The following CELF2 variants were observed in gnomAD, a reference collection of about 807,000 sequenced individuals.
CELF2 encodes CUG triplet repeat RNA-binding protein 2.
In CELF2, 8 loss-of-function variants were observed where a neutral mutation model predicts 62.6. The observed-to-expected ratio is 0.13, with a 90% CI of 0.07 to 0.23. CELF2 has a LOEUF of 0.23. CELF2 is among the 10% of genes least tolerant of loss of function. The pLI is 1.00. For synonymous variants in CELF2, 258 were observed against 250.0 expected (o/e 1.03, Z -0.30); for missense variants, 333 against 671.0 (o/e 0.50, Z 5.56).
At chr10:10,568,423 T>G in the CELF2 span, among the ~76,000 whole-genome samples, 1 of 152,202 alleles carries the variant, frequency 6.6e-6, no homozygotes, top group South Asian at 2.1e-4. Context: ...GCATAACCTC[T>G]TGGTTGCTTA....
intron 1 of CELF2, among the ~76,000 whole-genome samples, chr10:11,059,094 G>A (rs982166522): frequency 6.6e-6 from 1 of 152,206 alleles, no homozygotes; most frequent in African/African-American, 2.4e-5. Context: ...TCTATTTTAT[G>A]TATGAGTCAA....
the CELF2 span, chr10:10,789,033 G>C: frequency 6.6e-6 from 1 of 152,104 alleles, no homozygotes; most frequent in African/African-American, 2.4e-5. Flanking sequence ...ATTAGAGTAA[G>C]AGGAAAGAAA....
rs1427746200 is a variant in CELF2, at chr10:10,936,701, T to C, written c.89+16702T>C. 6.6e-6 allele frequency: 1 copy of C among 152,252 alleles called. No homozygotes were observed. Among genetic ancestry groups the C allele is most frequent in the Non-Finnish European group, 1.5e-5 (1 of 68,058 alleles). The allele number at this position is 152,252 out of a possible 1,614,324, so 9.4% of individuals were successfully genotyped here. On this transcript the variant is annotated intron_variant, in intron 2 of 13. Transcript: ENST00000636488. The surrounding 1 kb of genome is among the most constrained non-coding windows in gnomAD (Gnocchi z 4.0). ...TCTTCATTTCTAGCGTTTTCCACCA[T>C]AACCTTGTTCTGGTGCTGAAACAAG...
chr10:10,719,122 C>A, the CELF2 span, among the ~76,000 whole-genome samples: 1 of 151,508 alleles, frequency 6.6e-6, no homozygotes, highest in Non-Finnish European at 1.5e-5. Context: ...CCAAGCCCAG[C>A]TAATTTTTTG....
the CELF2 span, among the ~76,000 whole-genome samples, chr10:10,517,574 C>T: frequency 5.3e-5 from 8 of 152,264 alleles, no homozygotes; most frequent in Admixed American, 3.9e-4. Context: ...CATCTGAAGC[C>T]TGGATCCCTT....
At chr10:10,535,697 C>A in the CELF2 span, among the ~76,000 whole-genome samples, 1 of 152,030 alleles carries the variant, frequency 6.6e-6, no homozygotes, top group African/African-American at 2.4e-5. Flanking sequence ...CCAGCCTGGG[C>A]GACAGAGTGA....
intron 3 of CELF2, among the ~76,000 whole-genome samples, chr10:11,229,983 G>A (rs1200705003): frequency 6.6e-6 from 1 of 152,192 alleles, no homozygotes; most frequent in African/African-American, 2.4e-5. Flanking sequence ...CCAAGGGCTA[G>A]GTGGTGGTGA....
At chr10:10,725,290 A>G in the CELF2 span, among the ~76,000 whole-genome samples, 4 of 152,184 alleles carry the variant, frequency 2.6e-5, no homozygotes, top group African/African-American at 4.8e-5. Flanking sequence ...TCTTTCTGTC[A>G]AAGGAGGAGA....
the CELF2 span, among the ~76,000 whole-genome samples, chr10:10,623,085 C>CAAAAAAAAAAAAAAAA: frequency 5.2e-5 from 3 of 57,226 alleles, no homozygotes; most frequent in East Asian, 1.0e-3. Context: ...GACTCCGTCT[C>CAAAAAAAAAAAAAAAA]AAAAAAAAAA....
At chr10:10,737,359 A>G in the CELF2 span, among the ~76,000 whole-genome samples, 18 of 152,168 alleles carry the variant, frequency 1.2e-4, no homozygotes, top group African/African-American at 4.3e-4. Context: ...AAGTCATACC[A>G]AAAGATATAT....
In CELF2 at chr10:11,302,497, C is replaced by G. The variant is rs1459162100; in HGVS notation, c.977-11642C>G. Among the ~76,000 whole-genome samples the G allele has an allele frequency of 2.6e-5, 4 of 152,120 alleles. No individual in the cohort carries two copies. Among genetic ancestry groups the G allele is most frequent in the Non-Finnish European group, 4.4e-5 (3 of 68,026 alleles). ...AAATGTGTCTGTGGCTGCAGTGCCCCCAAAGGACAGGATTGGGCCCGCCTC... is the reference window on the plus strand; with the variant it reads ...AAATGTGTCTGTGGCTGCAGTGCCCGCAAAGGACAGGATTGGGCCCGCCTC... On this transcript the variant is annotated intron_variant, in intron 9 of 12. Transcript: ENST00000633077. The surrounding 1 kb of genome is among the most constrained non-coding windows in gnomAD (Gnocchi z 5.0).
At chr10:11,051,871 G>A (rs1406950578) in intron 1 of CELF2, among the ~76,000 whole-genome samples, 1 of 138,820 alleles carries the variant, frequency 7.2e-6, no homozygotes, top group Non-Finnish European at 1.6e-5. Context: ...GCAGGTTTTT[G>A]TTTTTTTGTG....
Position 11,275,125 on chromosome 10 carries a change from GT to G in CELF2, c.841+6del. 6.2e-7 allele frequency: 1 copy of G among 1,614,178 alleles called. No homozygotes were observed. Among genetic ancestry groups the G allele is most frequent in the South Asian group, 1.1e-5 (1 of 91,090 alleles). On this transcript the variant is annotated splice_donor_region_variant and intron_variant, in intron 8 of 12. Transcript: ENST00000633077. Reference sequence around the variant, plus strand: ...GCGGCATTCAACAAATGGCAGGTAAGTCAGGAAGCACGCCTCTCCTTTTGAC... The same window carrying G: ...GCGGCATTCAACAAATGGCAGGTAAGCAGGAAGCACGCCTCTCCTTTTGAC...
intron 2 of CELF2, among the ~76,000 whole-genome samples, chr10:10,976,729 C>G (rs1032878121): frequency 4.6e-5 from 7 of 152,122 alleles, no homozygotes; most frequent in South Asian, 2.1e-4. Flanking sequence ...GCAATTCAAA[C>G]CACAGATCTG....
At chr10:11,188,455 T>C (rs2075544172) in intron 2 of CELF2, among the ~76,000 whole-genome samples, 2 of 152,216 alleles carry the variant, frequency 1.3e-5, no homozygotes, top group African/African-American at 4.8e-5. Context: ...GGATTTTCCT[T>C]TTCTTTCAGT....
In CELF2 at chr10:11,305,594, G is replaced by A. The variant is rs564610748; in HGVS notation, c.977-8545G>A. On this transcript the variant is annotated intron_variant, in intron 9 of 12. Transcript: ENST00000633077. The surrounding 1 kb of genome is among the most constrained non-coding windows in gnomAD (Gnocchi z 4.8). ...GTTGGGGGGTTCAGCTCTCAGCTCT[G>A]TTGGAGATATTATACGGGAGTTATT... Among the ~76,000 whole-genome samples the A allele has an allele frequency of 6.6e-6, 1 of 152,358 alleles. No individual in the cohort carries two copies. Among genetic ancestry groups the A allele is most frequent in the East Asian group, 1.9e-4 (1 of 5,194 alleles).
the CELF2 span, among the ~76,000 whole-genome samples, chr10:10,648,167 C>T: frequency 2.0e-5 from 3 of 152,192 alleles, no homozygotes; most frequent in African/African-American, 7.2e-5. Context: ...GGCACAGTAG[C>T]ACCTCATCCC....
intron 1 of CELF2, among the ~76,000 whole-genome samples, chr10:10,858,518 A>AC (rs1328188342): frequency 6.6e-6 from 1 of 152,028 alleles, no homozygotes; most frequent in Non-Finnish European, 1.5e-5. Context: ...CTATCTAAAT[A>AC]CCCCTTTCCA....
intron 8 of CELF2, among the ~76,000 whole-genome samples, chr10:11,283,890 T>G (rs1035149604): frequency 3.7e-4 from 36 of 96,342 alleles, no homozygotes; most frequent in East Asian, 1.0e-3. Flanking sequence ...GAGGGGTGGG[T>G]GGATGATGGA....
Sources: allele counts gnomAD v4.1 joint callset (sites outside exome capture counted in the v4.1 genomes callset), GRCh38; gene constraint gnomAD v4.1.1; non-coding constraint Gnocchi (gnomAD v3.1); transcripts MANE v1.5; gene names NCBI Gene and HGNC (gene_info 2026-07-23, HGNC 2026-07-21).